Variants in GRID2 observed in about 807,000 individuals in gnomAD.
GRID2 encodes the protein glutamate ionotropic receptor delta type subunit 2, also known as glutamate receptor ionotropic, delta-2.
Under a neutral mutation model 114.8 loss-of-function variants are expected in GRID2, and 33 were observed. The ratio of observed to expected loss-of-function variants is 0.29; its 90% CI spans 0.22 to 0.38. The LOEUF (loss-of-function observed/expected upper bound fraction) is 0.38, where lower values mean the gene tolerates loss of function less well. Among genes scored for constraint, GRID2 ranks in the 10% least tolerant of loss-of-function variants. GRID2 has a pLI of 1.00. For synonymous variants in GRID2, 505 were observed against 449.9 expected (o/e 1.12, Z -1.55); for missense variants, 1,184 against 1,257.7 (o/e 0.94, Z 0.89).
intron 2 of GRID2, among the ~76,000 whole-genome samples, chr4:92,830,015 T>C (rs147960669): frequency 2.6e-5 from 4 of 151,098 alleles, no homozygotes; most frequent in Non-Finnish European, 4.4e-5. Context: ...GGTTAATAGG[T>C]ACAGCAAACT....
intron 1 of GRID2, among the ~76,000 whole-genome samples, chr4:92,353,482 G>T (rs571868916): frequency 5.3e-5 from 8 of 151,932 alleles, no homozygotes; most frequent in African/African-American, 1.7e-4. Flanking sequence ...CTTCCTCAGG[G>T]TTTGTTGTTA....
chr4:93,367,609 T>C (rs945783023), intron 8 of GRID2, among the ~76,000 whole-genome samples: 5 of 152,304 alleles, frequency 3.3e-5, no homozygotes, highest in South Asian at 2.1e-4. Context: ...GGTTGCTTTT[T>C]TGATAGCTTT....
intron 14 of GRID2, among the ~76,000 whole-genome samples, chr4:93,684,884 T>C (rs1725935871): frequency 6.6e-6 from 1 of 152,008 alleles, no homozygotes; most frequent in African/African-American, 2.4e-5. Context: ...AGCAAAACTC[T>C]TTATCATAAC....
chr4:93,014,996 G>A (rs1469645720), intron 2 of GRID2, among the ~76,000 whole-genome samples: 3 of 152,018 alleles, frequency 2.0e-5, no homozygotes, highest in African/African-American at 7.2e-5. Flanking sequence ...GCAGAGGGAT[G>A]GGAAGAAAGA....
chr4:92,748,369 A>G (rs1349599769), intron 2 of GRID2, among the ~76,000 whole-genome samples: 3 of 152,080 alleles, frequency 2.0e-5, no homozygotes, highest in African/African-American at 7.2e-5. Flanking sequence ...CGACACCACC[A>G]TCTCTGGTTT....
At chr4:93,477,182 T>C (rs1725398289) in intron 11 of GRID2, among the ~76,000 whole-genome samples, 1 of 152,000 alleles carries the variant, frequency 6.6e-6, no homozygotes, top group South Asian at 2.1e-4. Context: ...CAGAGAACAA[T>C]AGAAAGCTGA....
intron 2 of GRID2, among the ~76,000 whole-genome samples, chr4:92,718,528 C>G (rs1735655093): frequency 6.6e-6 from 1 of 152,020 alleles, no homozygotes; most frequent in Non-Finnish European, 1.5e-5. Flanking sequence ...ATTTGGGAGG[C>G]TGAGGCAGGA....
chr4:93,485,583 A>G (rs1263008683), intron 11 of GRID2, among the ~76,000 whole-genome samples: 1 of 151,708 alleles, frequency 6.6e-6, no homozygotes, highest in Non-Finnish European at 1.5e-5. Flanking sequence ...AAGTTTCATT[A>G]TTTTTCATAC....
intron 2 of GRID2, among the ~76,000 whole-genome samples, chr4:92,599,920 G>C (rs1261791349): frequency 6.6e-6 from 1 of 151,102 alleles, no homozygotes. Context: ...AGCTACTCGG[G>C]AGGCTCAGGC....
In GRID2 at chr4:93,363,787, C is replaced by T. The variant is rs1313164032; in HGVS notation, c.1246-31820C>T. Among the ~76,000 whole-genome samples the T allele has an allele frequency of 2.6e-5, 4 of 151,864 alleles. No homozygotes were observed. The East Asian group carries it at 7.7e-4, about 29-fold the overall frequency. The stretch of plus-strand genomic sequence containing the variant: ...AAATTAAGGCACCCCTTTACTTCCT[C>T]TTCATATATTCTCTTCCAAAACTAT... On this transcript the variant is annotated intron_variant, in intron 8 of 15. Transcript: ENST00000282020.
chr4:92,703,855 A>G (rs947675949), intron 2 of GRID2, among the ~76,000 whole-genome samples: 7 of 152,096 alleles, frequency 4.6e-5, no homozygotes, highest in African/African-American at 7.2e-5. Flanking sequence ...ACTTTTGTAT[A>G]TATCTATTGG....
At chr4:92,924,849 A>C (rs2149512121) in intron 2 of GRID2, among the ~76,000 whole-genome samples, 1 of 152,254 alleles carries the variant, frequency 6.6e-6, no homozygotes, top group East Asian at 1.9e-4. Flanking sequence ...GCTCAGCAAT[A>C]AGATCCTTTG....
intron 14 of GRID2, among the ~76,000 whole-genome samples, chr4:93,736,261 A>G (rs1348474839): frequency 6.6e-6 from 1 of 152,052 alleles, no homozygotes; most frequent in Non-Finnish European, 1.5e-5. Flanking sequence ...AAATGTCCTT[A>G]TATTTTAAGA....
At chr4:93,033,131 C>T (rs1361490331) in intron 2 of GRID2, among the ~76,000 whole-genome samples, 1 of 152,104 alleles carries the variant, frequency 6.6e-6, no homozygotes, top group African/African-American at 2.4e-5. Flanking sequence ...ATTAATTTGT[C>T]CCTGTGGAGA....
intron 2 of GRID2, among the ~76,000 whole-genome samples, chr4:92,821,599 ACATT>A (rs1212413791): frequency 6.6e-6 from 1 of 152,176 alleles, no homozygotes; most frequent in African/African-American, 2.4e-5. Flanking sequence ...CAAGCATTCC[ACATT>A]CATTAATGTA....
chr4:92,521,292 C>T (rs1169658846), intron 1 of GRID2, among the ~76,000 whole-genome samples: 1 of 151,690 alleles, frequency 6.6e-6, no homozygotes, highest in African/African-American at 2.4e-5. Flanking sequence ...ATTCTTGACA[C>T]ATGATTTATC....
chr4:93,426,298 A>G (rs1168393702), intron 10 of GRID2, among the ~76,000 whole-genome samples: 1 of 152,140 alleles, frequency 6.6e-6, no homozygotes, highest in African/African-American at 2.4e-5. Flanking sequence ...TTCATCTTCT[A>G]TTCTTTTAAA....
intron 6 of GRID2, among the ~76,000 whole-genome samples, chr4:93,221,698 G>C (rs141341329): frequency 6.6e-6 from 1 of 152,272 alleles, no homozygotes; most frequent in African/African-American, 2.4e-5. Context: ...ATAAAGTGTA[G>C]CATAGGAAAG....
intron 14 of GRID2, among the ~76,000 whole-genome samples, chr4:93,668,282 A>G (rs942916020): frequency 6.6e-6 from 1 of 152,032 alleles, no homozygotes; most frequent in African/African-American, 2.4e-5. Flanking sequence ...TAAGACTATG[A>G]TACCATGAGA....
Sources: gnomAD v4.1 joint callset for allele counts (sites outside exome capture counted in the v4.1 genomes callset) on GRCh38, gnomAD v4.1.1 for gene constraint, MANE v1.5 for transcripts, NCBI Gene and HGNC (gene_info 2026-07-23, HGNC 2026-07-21) for gene names.